DNTT: variants seen among roughly 807,000 people sequenced by gnomAD.
The protein encoded by DNTT is nucleosidetriphosphate:DNA deoxynucleotidylexotransferase.
In DNTT, 47 loss-of-function variants were observed where a neutral mutation model predicts 60.9. That is an observed-to-expected ratio of 0.77 (90% CI 0.61 to 0.98). DNTT has a LOEUF of 0.98. DNTT is among the 50% of genes least tolerant of loss of function. The pLI is 0.00. For missense variants in DNTT, 665 were observed against 627.5 expected, an observed-to-expected ratio of 1.06 and a Z score of -0.64; for synonymous variants, 224 against 221.2, an observed-to-expected ratio of 1.01 and a Z score of -0.11.
chr10:96,329,835 A>C (rs2133993772), intron 8 of DNTT, among the ~76,000 whole-genome samples: 1 of 152,266 alleles, frequency 6.6e-6, no homozygotes, highest in East Asian at 1.9e-4. Flanking sequence ...AAGGCACCTG[A>C]GACTAAATTT....
At chr10:96,324,012 C>T (rs995933069) in intron 5 of DNTT, among the ~76,000 whole-genome samples, 2 of 152,156 alleles carry the variant, frequency 1.3e-5, no homozygotes, top group Admixed American at 1.3e-4. Context: ...TATACCTTAG[C>T]CCTGCACAGG....
intron 6 of DNTT, among the ~76,000 whole-genome samples, chr10:96,325,794 G>C (rs1589374653): frequency 6.6e-6 from 1 of 152,312 alleles, no homozygotes; most frequent in East Asian, 1.9e-4. Flanking sequence ...GAATAGCTTA[G>C]AATACTGTGA....
At position 96,318,529 on chromosome 10, in the gene DNTT, A is replaced by G; in HGVS notation, c.378+3A>G. 6.2e-7 allele frequency: 1 copy of G among 1,612,846 alleles called. No homozygotes were observed. Among genetic ancestry groups the G allele is most frequent in the East Asian group, 2.2e-5 (1 of 44,816 alleles). On this transcript the variant is annotated splice_donor_region_variant and intron_variant, in intron 2 of 10. Coordinates refer to ENST00000371174, the MANE Select transcript of DNTT (RefSeq NM_004088.4). ...TGACAGGAAAACACCAGCTTGTTGT[A>G]AGTGTCATGGGTGTGATTTTCACTG...
chr10:96,323,445 G>C (rs2133990352), intron 5 of DNTT, among the ~76,000 whole-genome samples: 1 of 152,224 alleles, frequency 6.6e-6, no homozygotes, highest in Admixed American at 6.5e-5. Context: ...CATAGCTTTG[G>C]TCTAGGAAGA....
intron 6 of DNTT, among the ~76,000 whole-genome samples, chr10:96,325,634 C>A (rs1844931061): frequency 6.6e-6 from 1 of 152,168 alleles, no homozygotes; most frequent in Non-Finnish European, 1.5e-5. Flanking sequence ...CAGCTTTATT[C>A]ATTTAGTCAA....
chr10:96,335,918 G>A lies in DNTT; in HGVS notation c.1387G>A (p.Ala463Thr). 1 of 1,614,166 alleles carries A rather than the reference G, an allele frequency of 6.2e-7. No individual in the cohort carries two copies. The highest frequency in any genetic ancestry group is 2.2e-5 in the East Asian group (1 of 44,892). The change falls in exon 10 of 11, where the codon GCC (alanine) becomes ACC (threonine). Residue 463 changes from alanine (A) to threonine (T), a missense_variant. Transcript: ENST00000371174. The part of the protein sequence containing the change: ...RQFERDLRRY[A>T]THERKMILDN... ...GTTTGAGAGAGACCTCCGGCGCTAT[G>A]CCACACATGAGCGGAAGATGATTCT...
At chr10:96,307,705 GTATATATATATA>G (rs1203030676) in intron 1 of DNTT, among the ~76,000 whole-genome samples, 777 of 52,874 alleles carry the variant, frequency 0.015, 14 homozygotes, top group African/African-American at 0.047. Flanking sequence ...GTGTGTGTGT[GTATATATATATA>G]TATATATATA....
chr10:96,319,036 C>T (rs919462129), intron 2 of DNTT, among the ~76,000 whole-genome samples: 4 of 151,948 alleles, frequency 2.6e-5, no homozygotes, highest in Admixed American at 6.6e-5. Context: ...TCATAGAAAA[C>T]GAAGATGATA....
At chr10:96,332,714 G>A in intron 9 of DNTT, 118 bp downstream of exon 9, 4 of 1,467,316 alleles carry the variant, frequency 2.7e-6, no homozygotes, top group Non-Finnish European at 2.8e-6. Context: ...GGAGGGGCCA[G>A]TACCCAGAAA....
At chr10:96,313,141 A>G (rs978137651) in intron 1 of DNTT, among the ~76,000 whole-genome samples, 8 of 152,204 alleles carry the variant, frequency 5.3e-5, no homozygotes, top group Admixed American at 2.0e-4. Flanking sequence ...AAGACCTCCC[A>G]AACTTAGTCC....
In DNTT at chr10:96,304,648, T is replaced by C. The variant is rs1414426746; in HGVS notation, c.151T>C (p.Phe51Leu). The C allele has an allele frequency of 1.2e-6, 2 of 1,614,118 alleles. No homozygotes were observed. Among genetic ancestry groups the C allele is most frequent in the Non-Finnish European group, 1.7e-6 (2 of 1,179,994 alleles). ...EKKMGTTRRA[F>L]LMELARRKGF... ...GAAAATGGGAACCACCCGCAGAGCG[T>C]TCCTCATGGAGCTGGCCCGCAGGAA... The change falls in exon 1 of 11, where the codon TTC (phenylalanine) becomes CTC (leucine). Residue 51 changes from phenylalanine (F) to leucine (L), a missense_variant. By Grantham distance (22) the Phe-to-Leu change is conservative (BLOSUM62 0). Transcript: ENST00000371174.
intron 1 of DNTT, among the ~76,000 whole-genome samples, chr10:96,312,010 T>A (rs2133984172): frequency 6.6e-6 from 1 of 152,352 alleles, no homozygotes; most frequent in East Asian, 1.9e-4. Context: ...TTCTAAGGAA[T>A]AATATCCATA....
intron 6 of DNTT, among the ~76,000 whole-genome samples, chr10:96,325,593 C>T (rs1464060930): frequency 6.6e-6 from 1 of 152,208 alleles, no homozygotes; most frequent in East Asian, 1.9e-4. Context: ...TTTGTTCTTC[C>T]TGTTGAGCTT....
intron 10 of DNTT, 101 bp downstream of exon 10, chr10:96,336,075 C>A (rs1845065692): frequency 8.8e-7 from 1 of 1,133,862 alleles, no homozygotes; most frequent in Admixed American, 1.7e-5. Context: ...GTATGGTTTC[C>A]TTTGTCATGC....
Position 96,304,637 on chromosome 10 carries a change from C to A in DNTT, c.140C>A (p.Thr47Asn). 6.2e-7 allele frequency: 1 copy of A among 1,614,162 alleles called. No homozygotes were observed. The highest frequency in any genetic ancestry group is 8.5e-7 in the Non-Finnish European group (1 of 1,180,024). The change falls in exon 1 of 11, where the codon ACC becomes AAC. Residue 47 changes from threonine to asparagine, a missense_variant. By Grantham distance (65) the Thr-to-Asn change is moderately conservative (BLOSUM62 0). Transcript: ENST00000371174. ...ATTTTGGAGAAGAAAATGGGAACCA[C>A]CCGCAGAGCGTTCCTCATGGAGCTG... ...VFILEKKMGT[T>N]RRAFLMELAR...
At position 96,319,297 on chromosome 10, in the gene DNTT, C is replaced by T; in HGVS notation, c.414C>T (p.Gly138=). 2.5e-6 allele frequency: 4 copies of T among 1,613,718 alleles called. No individual in the cohort carries two copies. The highest frequency in any genetic ancestry group is 2.5e-6 in the Non-Finnish European group (3 of 1,179,736). ...ACTATTCAGATAGCACCAACCCAGG[C>T]CCCCCGAAGACTCCACCAATTGCTG... ...RRDYSDSTNP[G]PPKTPPIAVQ... The change falls in exon 3 of 11, where the codon GGC becomes GGT. Residue 138 remains glycine (G), a synonymous_variant. Transcript: ENST00000371174.
At chr10:96,326,425 A>G (rs1174051906) in intron 6 of DNTT, among the ~76,000 whole-genome samples, 1 of 152,196 alleles carries the variant, frequency 6.6e-6, no homozygotes, top group Non-Finnish European at 1.5e-5. Context: ...TCATATGAAT[A>G]CCATTTTCTC....
intron 1 of DNTT, among the ~76,000 whole-genome samples, chr10:96,314,905 C>T (rs1844770083): frequency 6.6e-6 from 1 of 152,126 alleles, no homozygotes; most frequent in South Asian, 2.1e-4. Context: ...CAAACAGCTG[C>T]CACAAGATAG....
rs983692667 is a variant in DNTT at position 96,338,322 on chromosome 10, G to C, written c.*98G>C. On this transcript the variant is annotated 3_prime_UTR_variant, in exon 11 of 11. Transcript: ENST00000371174. ...CCATAGGAGAGTTTGGGGTTATTTA[G>C]GTCTTATTGAAATGCAGATTGCTAC... 12 of 1,123,206 alleles carry C rather than the reference G, an allele frequency of 1.1e-5. No individual in the cohort carries two copies. In the African/African-American group the frequency reaches 1.7e-4, roughly 16 times the overall value. 69.6% of individuals were successfully genotyped at this position (1,123,206 alleles called of 1,614,324 possible).
Sources: allele counts gnomAD v4.1 joint callset (sites outside exome capture counted in the v4.1 genomes callset), GRCh38; gene constraint gnomAD v4.1.1; transcripts MANE v1.5; gene names NCBI Gene and HGNC (gene_info 2026-07-23, HGNC 2026-07-21).